The following MSRB3 variants were observed in gnomAD, a reference collection of about 807,000 sequenced individuals.
The protein encoded by MSRB3 is methionine sulfoxide reductase B3, also known as methionine-R-sulfoxide reductase B3.
Under a neutral mutation model 21.0 loss-of-function variants are expected in MSRB3, and 13 were observed. That is an observed-to-expected ratio of 0.62 (90% CI 0.40 to 0.98). MSRB3 has a LOEUF of 0.98. Among genes scored for constraint, MSRB3 ranks in the 50% least tolerant of loss-of-function variants. The pLI, the probability that MSRB3 is intolerant of heterozygous loss-of-function variation, is 0.00. For synonymous variants in MSRB3, 87 were observed against 88.6 expected, an observed-to-expected ratio of 0.98 and a Z score of 0.10; for missense variants, 199 against 230.3, an observed-to-expected ratio of 0.86 and a Z score of 0.88.
At chr12:65,323,978 A>G (rs1000735516) in intron 2 of MSRB3, among the ~76,000 whole-genome samples, 4 of 152,186 alleles carry the variant, frequency 2.6e-5, no homozygotes, top group Non-Finnish European at 5.9e-5. Context: ...TAGTCTACAT[A>G]TATTTCCTTT....
intron 5 of MSRB3, among the ~76,000 whole-genome samples, chr12:65,371,924 A>G (rs1405431430): frequency 2.0e-5 from 3 of 152,218 alleles, no homozygotes; most frequent in Admixed American, 6.5e-5. Flanking sequence ...AAAAATTTCA[A>G]CCATGTATAA....
intron 1 of MSRB3, among the ~76,000 whole-genome samples, chr12:65,292,904 A>G (rs1282066819): frequency 6.6e-6 from 1 of 152,180 alleles, no homozygotes; most frequent in Non-Finnish European, 1.5e-5. Flanking sequence ...ATCAGAAAAA[A>G]GAAACTTCAA....
Position 65,463,343 on chromosome 12 carries a change from A to T in MSRB3, c.*21A>T. ...TCTAGAGTAATGGAGAGTGATGGAA[A>T]CAAAGTGTACTTAATGCACAGCTTA... On this transcript the variant is annotated 3_prime_UTR_variant, in exon 7 of 7. Coordinates refer to ENST00000308259, the MANE Select transcript of MSRB3 (RefSeq NM_001031679.3). 6.2e-7 allele frequency: 1 copy of T among 1,614,010 alleles called. No homozygotes were observed. Among genetic ancestry groups the T allele is most frequent in the East Asian group, 2.2e-5 (1 of 44,880 alleles).
intron 1 of MSRB3, among the ~76,000 whole-genome samples, chr12:65,292,948 A>G (rs545332181): frequency 1.3e-5 from 2 of 152,294 alleles, no homozygotes; most frequent in South Asian, 4.1e-4. Flanking sequence ...GGAATAAATA[A>G]GATTGTCTAA....
chr12:65,384,479 C>T (rs1879110921), intron 5 of MSRB3, among the ~76,000 whole-genome samples: 1 of 152,080 alleles, frequency 6.6e-6, no homozygotes, highest in Non-Finnish European at 1.5e-5. Context: ...AATAACTTAG[C>T]AGGGCAATCT....
chr12:65,420,646 A>G (rs1881243462), intron 5 of MSRB3, among the ~76,000 whole-genome samples: 1 of 152,062 alleles, frequency 6.6e-6, no homozygotes, highest in East Asian at 1.9e-4. Context: ...TCCCTCAAGT[A>G]GGCCCCAGTG....
intron 4 of MSRB3, among the ~76,000 whole-genome samples, chr12:65,342,320 T>A (rs2136475307): frequency 6.6e-6 from 1 of 151,034 alleles, no homozygotes; most frequent in Non-Finnish European, 1.5e-5. Context: ...CTCAGAAAAA[T>A]GGGCAGAAAA....
At chr12:65,349,473 G>A (rs963277049) in intron 4 of MSRB3, among the ~76,000 whole-genome samples, 1 of 151,440 alleles carries the variant, frequency 6.6e-6, no homozygotes, top group African/African-American at 2.5e-5. Flanking sequence ...AGATCCCTGA[G>A]GAATCGCCAC....
intron 2 of MSRB3, chr12:65,316,431 C>A (rs1412566193): frequency 3.3e-5 from 5 of 152,100 alleles, no homozygotes; most frequent in African/African-American, 1.2e-4. Flanking sequence ...CAGGCAAAAT[C>A]TGTTTCAGTT....
chr12:65,428,532 T>C (rs1365848261), intron 5 of MSRB3, among the ~76,000 whole-genome samples: 1 of 152,162 alleles, frequency 6.6e-6, no homozygotes, highest in Non-Finnish European at 1.5e-5. Context: ...GCATTGAGTA[T>C]ATATGGTACA....
intron 4 of MSRB3, among the ~76,000 whole-genome samples, chr12:65,336,152 A>C (rs1875748751): frequency 6.6e-6 from 1 of 152,208 alleles, no homozygotes; most frequent in African/African-American, 2.4e-5. Flanking sequence ...CTCAACTGAA[A>C]ACTCAGAGAA....
intron 6 of MSRB3, chr12:65,454,034 A>T: frequency 1.5e-6 from 1 of 662,688 alleles, no homozygotes; most frequent in Non-Finnish European, 2.7e-6. Flanking sequence ...CTGTAATCCC[A>T]TACTTTGAGA....
chr12:65,325,260 A>C (rs1434279873), intron 2 of MSRB3, among the ~76,000 whole-genome samples: 1 of 152,210 alleles, frequency 6.6e-6, no homozygotes, highest in Non-Finnish European at 1.5e-5. Flanking sequence ...TACAAGTAGT[A>C]GGTATTTGGA....
chr12:65,396,547 T>C (rs944409409), intron 5 of MSRB3, among the ~76,000 whole-genome samples: 25 of 151,882 alleles, frequency 1.6e-4, no homozygotes, highest in African/African-American at 5.6e-4. Context: ...AAAAATTTGC[T>C]GGGTGTGGCA....
At chr12:65,365,427 G>A (rs1359126649) in intron 4 of MSRB3, among the ~76,000 whole-genome samples, 1 of 152,250 alleles carries the variant, frequency 6.6e-6, no homozygotes, top group East Asian at 1.9e-4. Context: ...AAATAATATG[G>A]CAATAGTTCC....
At chr12:65,421,550 C>A (rs1436823616) in intron 5 of MSRB3, among the ~76,000 whole-genome samples, 2 of 152,108 alleles carry the variant, frequency 1.3e-5, no homozygotes, top group African/African-American at 4.8e-5. Flanking sequence ...TTTCTATGTC[C>A]AGAATGGTAT....
intron 2 of MSRB3, among the ~76,000 whole-genome samples, chr12:65,326,098 C>G (rs934404833): frequency 6.6e-6 from 1 of 152,046 alleles, no homozygotes. Flanking sequence ...GTCTTTCTCC[C>G]TTTCTGTTTT....
intron 4 of MSRB3, among the ~76,000 whole-genome samples, chr12:65,359,202 A>C (rs1877564251): frequency 6.6e-6 from 1 of 152,108 alleles, no homozygotes; most frequent in Middle Eastern, 3.4e-3. Flanking sequence ...GAGTTCTGTA[A>C]AGTGAAAAGC....
In MSRB3 at chr12:65,432,585, T is replaced by C. The variant is rs529993521; in HGVS notation, c.293-21143T>C. Among the ~76,000 whole-genome samples the C allele has an allele frequency of 2.6e-5, 4 of 152,036 alleles. No homozygotes were observed. The East Asian group carries it at 5.8e-4, about 22-fold the overall frequency. ...GACTCACCTTTTTAGCAGATGAAGA[T>C]AGGAACAAAGATATCTGGCATTACA... On this transcript the variant is annotated intron_variant, in intron 5 of 6. Coordinates refer to ENST00000308259, the MANE Select transcript of MSRB3 (RefSeq NM_001031679.3).
Sources: gnomAD v4.1 joint callset for allele counts (sites outside exome capture counted in the v4.1 genomes callset) on GRCh38, gnomAD v4.1.1 for gene constraint, MANE v1.5 for transcripts, NCBI Gene and HGNC (gene_info 2026-07-23, HGNC 2026-07-21) for gene names.